Variants in MECOM observed in about 807,000 individuals in gnomAD.
MECOM encodes the protein histone-lysine N-methyltransferase MECOM.
In MECOM, 13 loss-of-function variants were observed where a neutral mutation model predicts 116.3. The ratio of observed to expected loss-of-function variants is 0.11; its 90% CI spans 0.07 to 0.18. MECOM has a LOEUF of 0.18. Ranked by LOEUF, MECOM falls within the 10% of genes least tolerant of loss-of-function variation. The probability of loss-of-function intolerance (pLI) is 1.00; values close to 1 mark genes in which losing one functional copy is unlikely to be tolerated. For synonymous variants in MECOM, 528 were observed against 535.2 expected, an observed-to-expected ratio of 0.99 and a Z score of 0.19; for missense variants, 1,299 against 1,509.0, an observed-to-expected ratio of 0.86 and a Z score of 2.31.
chr3:169,267,223 G>A (rs185629399), intron 2 of MECOM, among the ~76,000 whole-genome samples: 1 of 152,334 alleles, frequency 6.6e-6, no homozygotes, highest in African/African-American at 2.4e-5. Context: ...ACCAGCAGTT[G>A]CCTGCCAGTC....
rs1727206774 is a variant in MECOM at position 169,355,979 on chromosome 3, A to G, written c.375+25208T>C. ...TAATTTTCAGTGCCTAAAAATAAAG[A>G]GTAAAAGCAAAGGTCTTAGTTTTTA... On this transcript the variant is annotated intron_variant, in intron 2 of 16. Coordinates refer to ENST00000651503, the MANE Select transcript of MECOM (RefSeq NM_004991.4). Among the ~76,000 whole-genome samples, 3 of 152,028 alleles carry G rather than the reference A, an allele frequency of 2.0e-5. No individual in the cohort carries two copies. In the South Asian group the frequency reaches 6.2e-4, roughly 31 times the overall value.
At chr3:169,218,332 A>G (rs1751677042) in intron 2 of MECOM, among the ~76,000 whole-genome samples, 2 of 152,238 alleles carry the variant, frequency 1.3e-5, no homozygotes, top group Admixed American at 1.3e-4. Flanking sequence ...AATTTGCAGT[A>G]GAATTTTTGA....
chr3:169,099,900 A>G (rs1384435333), intron 12 of MECOM, among the ~76,000 whole-genome samples: 1 of 152,046 alleles, frequency 6.6e-6, no homozygotes, highest in African/African-American at 2.4e-5. Flanking sequence ...TTAAAATTAG[A>G]TGTGTCCAAT....
At chr3:169,661,788 G>C (rs1469745961) in intron 1 of MECOM, among the ~76,000 whole-genome samples, 1 of 152,220 alleles carries the variant, frequency 6.6e-6, no homozygotes, top group African/African-American at 2.4e-5. Flanking sequence ...TAATGTGCGA[G>C]GGTCGCGCGG....
intron 2 of MECOM, among the ~76,000 whole-genome samples, chr3:169,329,437 T>A (rs1722374440): frequency 6.6e-6 from 1 of 152,196 alleles, no homozygotes; most frequent in African/African-American, 2.4e-5. Flanking sequence ...CCTTCAAAAC[T>A]ATGTGGGGAG....
chr3:169,090,119 ATT>A lies in MECOM; in HGVS notation c.3280_3281del (p.Asn1094Ter). On this transcript the variant is annotated frameshift_variant, in exon 15 of 17. Transcript: ENST00000651503. LOFTEE classifies it high-confidence loss of function. ...EVLLDEEDED[N>X]DITGKTGKEP... The stretch of plus-strand genomic sequence containing the variant: ...CCTTTCCTGTTTTTCCAGTAATATC[ATT>A]GTCTTCATCCTCCTCATCTAACAAC... The A allele has an allele frequency of 6.2e-7, 1 of 1,613,478 alleles. No individual in the cohort carries two copies. Among genetic ancestry groups the A allele is most frequent in the Non-Finnish European group, 8.5e-7 (1 of 1,179,654 alleles).
At chr3:169,521,996 T>C (rs1757403315) in intron 1 of MECOM, among the ~76,000 whole-genome samples, 1 of 152,210 alleles carries the variant, frequency 6.6e-6, no homozygotes, top group South Asian at 2.1e-4. Flanking sequence ...GCATAAGTTA[T>C]ATGCAAATGC....
chr3:169,529,282 A>G (rs1184714677), intron 1 of MECOM, among the ~76,000 whole-genome samples: 1 of 148,946 alleles, frequency 6.7e-6, no homozygotes, highest in East Asian at 2.0e-4. Context: ...GTTAAAACCC[A>G]GAAATACATT....
At chr3:169,299,898 A>G (rs1716386155) in intron 2 of MECOM, among the ~76,000 whole-genome samples, 1 of 152,216 alleles carries the variant, frequency 6.6e-6, no homozygotes, top group Non-Finnish European at 1.5e-5. Flanking sequence ...CTTCACTATG[A>G]ATGTGGATAA....
intron 1 of MECOM, among the ~76,000 whole-genome samples, chr3:169,512,779 T>A (rs534337154): frequency 6.6e-6 from 1 of 152,280 alleles, no homozygotes; most frequent in African/African-American, 2.4e-5. Flanking sequence ...TGCAGGGCCA[T>A]CTCCACAGCA....
intron 5 of MECOM, 52 bp downstream of exon 5, chr3:169,127,792 A>G (rs1432991137): frequency 1.3e-6 from 2 of 1,523,872 alleles, no homozygotes; most frequent in Admixed American, 1.7e-5. Context: ...AATTCAGCAT[A>G]ACATTGCAGA....
chr3:169,502,404 T>A (rs1266587602), intron 1 of MECOM, among the ~76,000 whole-genome samples: 1 of 152,136 alleles, frequency 6.6e-6, no homozygotes. Context: ...TACTGTCCCA[T>A]TTCCAAGTCT....
chr3:169,471,243 C>T (rs1041016480), intron 1 of MECOM, among the ~76,000 whole-genome samples: 13 of 152,096 alleles, frequency 8.5e-5, no homozygotes, highest in Non-Finnish European at 1.9e-4. Context: ...ACACTGGCCT[C>T]GGCTTCCCAA....
At chr3:169,584,719 G>T (rs1354101630) in intron 1 of MECOM, among the ~76,000 whole-genome samples, 1 of 152,146 alleles carries the variant, frequency 6.6e-6, no homozygotes, top group Non-Finnish European at 1.5e-5. Context: ...AAGAAAGTGG[G>T]ACTTAACAAG....
At chr3:169,546,550 G>T (rs1382467893) in intron 1 of MECOM, among the ~76,000 whole-genome samples, 1 of 152,174 alleles carries the variant, frequency 6.6e-6, no homozygotes, top group African/African-American at 2.4e-5. Flanking sequence ...CACAGAGTTT[G>T]CACATGCCCT....
intron 1 of MECOM, among the ~76,000 whole-genome samples, chr3:169,623,429 T>C (rs551596104): frequency 3.4e-4 from 52 of 152,326 alleles, no homozygotes; most frequent in African/African-American, 1.1e-3. Flanking sequence ...AATTAATCAA[T>C]TCTAGGAGTT....
chr3:169,489,471 T>G (rs1578247431), intron 1 of MECOM, among the ~76,000 whole-genome samples: 1 of 152,198 alleles, frequency 6.6e-6, no homozygotes, highest in East Asian at 1.9e-4. Flanking sequence ...GAGATTTGGC[T>G]TACAGATATC....
chr3:169,086,544 C>A, intron 16 of MECOM: 1 of 701,484 alleles, frequency 1.4e-6, no homozygotes, highest in South Asian at 1.5e-5. Context: ...AGTTGCTTAA[C>A]CTTTTAAGCT....
In MECOM at chr3:169,131,483, G is replaced by A. The variant is rs760068433; in HGVS notation, c.559C>T (p.Leu187=). The A allele has an allele frequency of 6.2e-7, 1 of 1,613,950 alleles. No individual in the cohort carries two copies. The highest frequency in any genetic ancestry group is 8.5e-7 in the Non-Finnish European group (1 of 1,179,992). Residue 187 remains leucine, a synonymous_variant, in exon 4 of 17, where the codon CTG becomes TTG. Transcript: ENST00000651503. ...GGATAGTCTTCGCTCTTCATGAACAGCAGAAGCTCCTCTCCCGGCGCAATG... is the reference window on the plus strand; with the variant it reads ...GGATAGTCTTCGCTCTTCATGAACAACAGAAGCTCCTCTCCCGGCGCAATG... ...ADIAPGEELL[L]FMKSEDYPHE... is the part of the protein sequence containing the mutation.
Sources: allele counts gnomAD v4.1 joint callset (sites outside exome capture counted in the v4.1 genomes callset), GRCh38; gene constraint gnomAD v4.1.1; transcripts MANE v1.5; gene names NCBI Gene and HGNC (gene_info 2026-07-23, HGNC 2026-07-21).